The following OPCML variants were observed in gnomAD, a reference collection of about 807,000 sequenced individuals.
OPCML encodes the protein opioid-binding protein/cell adhesion molecule.
A neutral mutation model predicts 37.8 loss-of-function variants in OPCML; 13 were observed. The ratio of observed to expected loss-of-function variants is 0.34; its 90% CI spans 0.22 to 0.55. The LOEUF (loss-of-function observed/expected upper bound fraction) is 0.55. Ranked by LOEUF, OPCML falls within the 20% of genes least tolerant of loss-of-function variation. The pLI, the probability that OPCML is intolerant of heterozygous loss-of-function variation, is 0.91. For missense variants in OPCML, 341 were observed against 435.6 expected (o/e 0.78, Z 1.93); for synonymous variants, 176 against 168.8 (o/e 1.04, Z -0.33).
chr11:133,308,055 A>G (rs1942971653), intron 1 of OPCML, among the ~76,000 whole-genome samples: 1 of 152,198 alleles, frequency 6.6e-6, no homozygotes, highest in South Asian at 2.1e-4. Flanking sequence ...TATATGCAAT[A>G]CCAAACACTT....
At chr11:133,374,340 G>T (rs138248275) in intron 1 of OPCML, among the ~76,000 whole-genome samples, 96 of 152,322 alleles carry the variant, frequency 6.3e-4, no homozygotes, top group Middle Eastern at 6.8e-3. Context: ...GAATGGAGAG[G>T]GCAGAAGGCA....
chr11:133,222,990 C>T lies in OPCML; in HGVS notation c.62-279980G>A, dbSNP rs78603781. Among the ~76,000 whole-genome samples the T allele has an allele frequency of 6.0e-3, 921 of 152,248 alleles. 6 individuals carry two copies. The highest frequency in any genetic ancestry group is 9.3e-3 in the Non-Finnish European group (633 of 68,018). The stretch of plus-strand genomic sequence containing the variant: ...TTTAGATTTCGCTTGCAGAATCCCA[C>T]ATCTCCCACCTCCTTAGAACTACAA... On this transcript the variant is annotated intron_variant, in intron 1 of 7. Coordinates refer to ENST00000524381, the MANE Select transcript of OPCML (RefSeq NM_001012393.5).
chr11:133,037,223 G>A lies in OPCML; in HGVS notation c.62-94213C>T, dbSNP rs542260315. Among the ~76,000 whole-genome samples the A allele has an allele frequency of 1.2e-4, 19 of 152,288 alleles. No individual in the cohort carries two copies. The South Asian group carries it at 2.3e-3, about 18-fold the overall frequency. On this transcript the variant is annotated intron_variant, in intron 1 of 7. Transcript: ENST00000524381. ...AATAGAGCTAACTTCAAAGTTAGTC[G>A]GATCACCACTGTGAGGATGAGGACT...
intron 1 of OPCML, chr11:133,297,565 T>C (rs1167150781): frequency 6.6e-6 from 1 of 152,196 alleles, no homozygotes; most frequent in Non-Finnish European, 1.5e-5. Flanking sequence ...GGAGGTTCTG[T>C]AGCTATGTGG....
Position 132,598,606 on chromosome 11 carries a change from T to A in OPCML, c.379+58481A>T, listed in dbSNP as rs138323880. Among the ~76,000 whole-genome samples the A allele has an allele frequency of 3.2e-4, 49 of 152,300 alleles. No individual in the cohort carries two copies. The East Asian group carries it at 9.3e-3, about 29-fold the overall frequency. ...TGTAATATTAATCCGAATAAGTTGG[T>A]ACATAATGTTTGGTGTGTCAAAAAA... On this transcript the variant is annotated intron_variant, in intron 3 of 7. Transcript: ENST00000524381.
chr11:133,095,895 C>G lies in OPCML; in HGVS notation c.62-152885G>C, dbSNP rs111574095. Among the ~76,000 whole-genome samples, 1,446 of 151,940 alleles carry G rather than the reference C, an allele frequency of 9.5e-3. 22 individuals are homozygous for G. The highest frequency in any genetic ancestry group is 0.03 in the African/African-American group (1,240 of 41,484). On this transcript the variant is annotated intron_variant, in intron 1 of 7. Coordinates refer to ENST00000524381, the MANE Select transcript of OPCML (RefSeq NM_001012393.5). ...ATCCTTCAATGGTGAAAGAGAAAGA[C>G]TTGCTCTGACAAACAAAAATTGAGA...
Position 133,430,346 on chromosome 11 carries a change from G to T in OPCML, c.61+101918C>A, listed in dbSNP as rs564506298. Among the ~76,000 whole-genome samples, 3 of 152,260 alleles carry T rather than the reference G, an allele frequency of 2.0e-5. No homozygotes were observed. In the South Asian group the frequency reaches 6.2e-4, roughly 32 times the overall value. ...GAAACAAAGAAATAGGGAAGAAGTT[G>T]GCACTACAGGCAAGGTTCAACATTT... On this transcript the variant is annotated intron_variant, in intron 1 of 7. Coordinates refer to ENST00000524381, the MANE Select transcript of OPCML (RefSeq NM_001012393.5).
intron 1 of OPCML, among the ~76,000 whole-genome samples, chr11:133,381,637 A>AT (rs1944930306): frequency 6.6e-6 from 1 of 152,048 alleles, no homozygotes; most frequent in African/African-American, 2.4e-5. Context: ...ACTTCAGGGG[A>AT]TTGGGGGTCT....
intron 1 of OPCML, among the ~76,000 whole-genome samples, chr11:133,244,948 TG>T (rs1285000549): frequency 1.3e-5 from 2 of 152,242 alleles, no homozygotes; most frequent in Non-Finnish European, 2.9e-5. Flanking sequence ...GAGATGGCGA[TG>T]CCTGCCAGGC....
intron 1 of OPCML, among the ~76,000 whole-genome samples, chr11:133,154,154 G>T (rs556638458): frequency 1.3e-5 from 2 of 151,994 alleles, no homozygotes; most frequent in South Asian, 2.1e-4. Flanking sequence ...TGCGGAGCAG[G>T]ATGGAGCCAG....
chr11:132,858,696 G>A (rs1203485493), intron 2 of OPCML, among the ~76,000 whole-genome samples: 1 of 152,126 alleles, frequency 6.6e-6, no homozygotes, highest in African/African-American at 2.4e-5. Flanking sequence ...CACAACATGG[G>A]TGATGAATTC....
intron 1 of OPCML, among the ~76,000 whole-genome samples, chr11:133,112,671 A>G (rs1949274842): frequency 6.6e-6 from 1 of 152,180 alleles, no homozygotes; most frequent in East Asian, 1.9e-4. Flanking sequence ...TGAATGTCCC[A>G]GGTTCACCAG....
intron 4 of OPCML, among the ~76,000 whole-genome samples, chr11:132,509,020 G>A (rs569927148): frequency 3.7e-4 from 57 of 152,280 alleles, no homozygotes; most frequent in African/African-American, 1.2e-3. Context: ...CTTGTCAATG[G>A]TTTTGACCAA....
At chr11:132,871,291 C>T (rs1382577805) in intron 2 of OPCML, among the ~76,000 whole-genome samples, 1 of 151,828 alleles carries the variant, frequency 6.6e-6, no homozygotes, top group Non-Finnish European at 1.5e-5. Flanking sequence ...CACATCAATG[C>T]CTTGATTTGA....
chr11:132,586,228 C>A (rs149104038), intron 3 of OPCML, among the ~76,000 whole-genome samples: 4 of 152,314 alleles, frequency 2.6e-5, no homozygotes, highest in Non-Finnish European at 5.9e-5. Context: ...CATCCCTAAT[C>A]AAACTAGCAA....
In OPCML at chr11:132,810,000, C is replaced by A. The variant is rs1047552400; in HGVS notation, c.146+132926G>T. Among the ~76,000 whole-genome samples the A allele has an allele frequency of 4.3e-4, 66 of 152,268 alleles. 1 individual carries two copies. The highest frequency in any genetic ancestry group is 1.5e-3 in the African/African-American group (63 of 41,570). ...GAGTAGCCGGGACTACAGGCGCCCG[C>A]CACCACGCCCGGCTAATTTTTTGTA... On this transcript the variant is annotated intron_variant, in intron 2 of 7. Transcript: ENST00000524381.
At chr11:132,567,746 A>G (rs2096427254) in intron 3 of OPCML, among the ~76,000 whole-genome samples, 1 of 152,232 alleles carries the variant, frequency 6.6e-6, no homozygotes, top group Non-Finnish European at 1.5e-5. Flanking sequence ...GGTAGATTCT[A>G]TCTGATCTAT....
At chr11:133,440,530 C>T (rs1197939191) in intron 1 of OPCML, among the ~76,000 whole-genome samples, 1 of 151,180 alleles carries the variant, frequency 6.6e-6, no homozygotes, top group East Asian at 1.9e-4. Flanking sequence ...AGTTCAAGAC[C>T]AGACTGACCA....
At chr11:133,261,050 G>C (rs2136456306) in intron 1 of OPCML, among the ~76,000 whole-genome samples, 1 of 152,260 alleles carries the variant, frequency 6.6e-6, no homozygotes. Flanking sequence ...TTGTCCATCT[G>C]ACTTCCTTGG....
Sources: allele counts gnomAD v4.1 joint callset (sites outside exome capture counted in the v4.1 genomes callset), GRCh38; gene constraint gnomAD v4.1.1; transcripts MANE v1.5; gene names NCBI Gene and HGNC (gene_info 2026-07-23, HGNC 2026-07-21).